The following LCN10 variants were observed in gnomAD, a reference collection of about 807,000 sequenced individuals.
LCN10 encodes lipocalin 10.
LCN10 carries 18 observed loss-of-function variants against 25.1 expected under a neutral mutation model. The observed-to-expected ratio is 0.72, with a 90% CI of 0.50 to 1.06. The LOEUF (loss-of-function observed/expected upper bound fraction) is 1.06, where lower values mean the gene tolerates loss of function less well. Among genes scored for constraint, LCN10 ranks in the 50% least tolerant of loss-of-function variants. The pLI is 0.00. For synonymous variants in LCN10, 130 were observed against 116.7 expected, an observed-to-expected ratio of 1.11 and a Z score of -0.73; for missense variants, 257 against 258.9, an observed-to-expected ratio of 0.99 and a Z score of 0.05.
rs753212037 is a variant in LCN10 at position 136,739,548 on chromosome 9, G to A, written c.580C>T (p.Arg194Cys). 16 of 1,600,014 alleles carry A rather than the reference G, an allele frequency of 1.0e-5. No individual in the cohort carries two copies. The highest frequency in any genetic ancestry group is 8.0e-5 in the African/African-American group (6 of 74,808). The change falls in exon 6 of 6, where the codon CGT (arginine) becomes TGT (cysteine). Residue 194 changes from arginine (R) to cysteine (C), a missense_variant. By Grantham distance (180) the Arg-to-Cys change is radical. Coordinates refer to ENST00000497771, the MANE Select transcript of LCN10 (RefSeq NM_001001712.3). The surrounding 1 kb of genome is among the most constrained non-coding windows in gnomAD (Gnocchi z 6.1). ...TCTCATGGCAGGATGGTGTGTGTAC[G>A]GGACGCTGTGGGAGAGGAAAACAGC... ...AAVILPKDASRTHTILP is the reference protein window; with the variant it reads ...AAVILPKDASCTHTILP
At position 136,741,290 on chromosome 9, in the gene LCN10, C is replaced by T; in HGVS notation, c.329G>A (p.Cys110Tyr). The stretch of plus-strand genomic sequence containing the variant: ...TTCCCTCGGGCCCGCCGCGTATGCA[C>T]AGGCGTTCCCAAACACCGGCTTCTT... ...DGKKPVFGNA[C>Y]AYAAGPREGQ... The change falls in exon 3 of 6, where the codon TGT (cysteine) becomes TAT (tyrosine). Residue 110 changes from cysteine (C) to tyrosine (Y), a missense_variant. Physicochemically the swap from Cys to Tyr is radical, Grantham distance 194. Coordinates refer to ENST00000497771, the MANE Select transcript of LCN10 (RefSeq NM_001001712.3). 1 of 1,613,618 alleles carries T rather than the reference C, an allele frequency of 6.2e-7. No homozygotes were observed. Among genetic ancestry groups the T allele is most frequent in the Non-Finnish European group, 8.5e-7 (1 of 1,179,818 alleles).
In LCN10 at chr9:136,741,234, C is replaced by T. The variant is rs763282573; in HGVS notation, c.367+18G>A. 4.4e-6 allele frequency: 7 copies of T among 1,608,402 alleles called. No individual in the cohort carries two copies. In the Admixed American group the frequency reaches 1.0e-4, roughly 23 times the overall value. ...GGCATATCACGCAGCTCCTCCAGGGCCCAGAGCCCAAGCACACCTCCCTCC... is the reference window on the plus strand; with the variant it reads ...GGCATATCACGCAGCTCCTCCAGGGTCCAGAGCCCAAGCACACCTCCCTCC... On this transcript the variant is annotated intron_variant, in intron 3 of 5. Transcript: ENST00000497771.
At chr9:136,742,622 G>C in intron 1 of LCN10, 165 bp downstream of exon 1, 1 of 857,700 alleles carries the variant, frequency 1.2e-6, no homozygotes, top group Non-Finnish European at 1.7e-6. Context: ...TGCAACTTGC[G>C]GGGCCCCTGT....
Position 136,740,556 on chromosome 9 carries a change from C to A in LCN10, c.475+280G>T. 1 of 518,640 alleles carries A rather than the reference C, an allele frequency of 1.9e-6. No individual in the cohort carries two copies. Among genetic ancestry groups the A allele is most frequent in the Non-Finnish European group, 3.4e-6 (1 of 289,894 alleles). The allele number at this position is 518,640 out of a possible 1,614,324, so 32.1% of individuals were successfully genotyped here. ...TCCCCACTGTGTCCCTCACCCAGAA[C>A]GTTGCACCTGCACCCGCCACCATCC... On this transcript the variant is annotated intron_variant, in intron 4 of 5. Transcript: ENST00000497771. This position sits in a 1 kb window ranked among gnomAD's most constrained non-coding sequence, Gnocchi z 5.3.
intron 2 of LCN10, 150 bp from the exon 3 acceptor site, chr9:136,741,511 A>T (rs1019005295): frequency 1.9e-5 from 12 of 633,400 alleles, no homozygotes; most frequent in Non-Finnish European, 2.8e-5. Context: ...TTTTTGCTTC[A>T]CTATCCAACT....
At chr9:136,741,101 G>A (rs1846922982) in intron 3 of LCN10, 151 bp downstream of exon 3, 7 of 986,980 alleles carry the variant, frequency 7.1e-6, no homozygotes, top group Non-Finnish European at 1.1e-5. Flanking sequence ...TCCCGGGCCA[G>A]GCCGCCCAGC....
Position 136,741,378 on chromosome 9 carries a change from G to C in LCN10, c.258-17C>G, listed in dbSNP as rs1167983906. 3 of 1,586,218 alleles carry C rather than the reference G, an allele frequency of 1.9e-6. No individual in the cohort carries two copies. In the Admixed American group the frequency reaches 5.0e-5, roughly 27 times the overall value. On this transcript the variant is annotated splice_polypyrimidine_tract_variant and intron_variant, in intron 2 of 5. Coordinates refer to ENST00000497771, the MANE Select transcript of LCN10 (RefSeq NM_001001712.3). ...CCCTTCAACCTGGGGCCAAGGCGGG[G>C]GCTCAGGCTGCAGACCAGGGAACCC...
In LCN10 at chr9:136,740,584, G is replaced by A. The variant is rs1241141051; in HGVS notation, c.475+252C>T. 5.6e-6 allele frequency: 3 copies of A among 531,120 alleles called. No homozygotes were observed. The African/African-American group carries it at 5.7e-5, about 10-fold the overall frequency. The allele number at this position is 531,120 out of a possible 1,614,324, so 32.9% of individuals were successfully genotyped here. A position where few individuals can be genotyped will look rare whatever the true frequency, so the allele number is the denominator to read the frequency against. ...TGCACCTGCACCCGCCACCATCCTG[G>A]TGGCCTCCGCTCCCCCTGGATGGCC... On this transcript the variant is annotated intron_variant, in intron 4 of 5. Coordinates refer to ENST00000497771, the MANE Select transcript of LCN10 (RefSeq NM_001001712.3). This position sits in a 1 kb window ranked among gnomAD's most constrained non-coding sequence, Gnocchi z 5.3.
chr9:136,739,821 G>A lies in LCN10; in HGVS notation c.574+129C>T, dbSNP rs551857754. On this transcript the variant is annotated intron_variant, in intron 5 of 5. Transcript: ENST00000497771. This position sits in a 1 kb window ranked among gnomAD's most constrained non-coding sequence, Gnocchi z 6.1. ...AGGGGCGGCAGGAGGTGGGAGGCAC[G>A]TTTGGGCGGATCTTTCAAATGGCAC... 3.0e-5 allele frequency: 27 copies of A among 909,882 alleles called. 1 individual carries two copies. The East Asian group carries it at 4.8e-4, about 16-fold the overall frequency. The allele number at this position is 909,882 out of a possible 1,614,324, so 56.4% of individuals were successfully genotyped here. A position where few individuals can be genotyped will look rare whatever the true frequency, so the allele number is the denominator to read the frequency against.
rs1240378055 is a variant in LCN10, at chr9:136,739,233, T to G, written c.*292A>C. ...CGGCGAGGACTGCGTTGGGCCGGCC[T>G]GTGGTCTGTTTCACAGCAGACAGGG... is the stretch of plus-strand genomic sequence containing the variant. On this transcript the variant is annotated 3_prime_UTR_variant, in exon 6 of 6. Coordinates refer to ENST00000497771, the MANE Select transcript of LCN10 (RefSeq NM_001001712.3). This position sits in a 1 kb window ranked among gnomAD's most constrained non-coding sequence, Gnocchi z 6.1. 1 of 430,438 alleles carries G rather than the reference T, an allele frequency of 2.3e-6. No individual in the cohort carries two copies. Among genetic ancestry groups the G allele is most frequent in the Non-Finnish European group, 4.3e-6 (1 of 233,066 alleles). The allele number at this position is 430,438 out of a possible 1,614,324, so 26.7% of individuals were successfully genotyped here. A position where few individuals can be genotyped will look rare whatever the true frequency, so the allele number is the denominator to read the frequency against.
rs1846882586 is a variant in LCN10, at chr9:136,739,255, A to G, written c.*270T>C. 4 of 478,860 alleles carry G rather than the reference A, an allele frequency of 8.4e-6. No homozygotes were observed. In the Admixed American group the frequency reaches 1.4e-4, roughly 16 times the overall value. The allele number at this position is 478,860 out of a possible 1,614,324, so 29.7% of individuals were successfully genotyped here. On this transcript the variant is annotated 3_prime_UTR_variant, in exon 6 of 6. Transcript: ENST00000497771. This position sits in a 1 kb window ranked among gnomAD's most constrained non-coding sequence, Gnocchi z 6.1. ...GCCTGTGGTCTGTTTCACAGCAGACAGGGAATAGCAGCAGCCTGCAGTGTG... is the reference window on the plus strand; with the variant it reads ...GCCTGTGGTCTGTTTCACAGCAGACGGGGAATAGCAGCAGCCTGCAGTGTG...
At chr9:136,742,438 C>T (rs956548879) in intron 1 of LCN10, 25 of 423,632 alleles carry the variant, frequency 5.9e-5, no homozygotes, top group Non-Finnish European at 9.4e-5. Flanking sequence ...CCACGGCTCA[C>T]TCAGCAGGTG....
rs1295566491 is a variant in LCN10 at position 136,740,974 on chromosome 9, T to C, written c.368-31A>G. 1 of 1,573,748 alleles carries C rather than the reference T, an allele frequency of 6.4e-7. No individual in the cohort carries two copies. The highest frequency in any genetic ancestry group is 1.7e-5 in the Admixed American group (1 of 59,412). On this transcript the variant is annotated intron_variant, in intron 3 of 5. Coordinates refer to ENST00000497771, the MANE Select transcript of LCN10 (RefSeq NM_001001712.3). This position sits in a 1 kb window ranked among gnomAD's most constrained non-coding sequence, Gnocchi z 5.3. ...AGAGATGCCCAGAGATGCCCGCTGG[T>C]TCCCGGATGGCGTGGCTGTGCCCGC...
At chr9:136,742,110 A>G in intron 1 of LCN10, 90 bp from the exon 2 acceptor site, 2 of 1,515,012 alleles carry the variant, frequency 1.3e-6, no homozygotes, top group Non-Finnish European at 8.9e-7. Context: ...CCAGGAGACA[A>G]ATGACCCTTC....
At position 136,740,234 on chromosome 9, in the gene LCN10, G is replaced by A. The variant is rs1846904075; in HGVS notation, c.476-186C>T. 3 of 610,522 alleles carry A rather than the reference G, an allele frequency of 4.9e-6. No homozygotes were observed. The highest frequency in any genetic ancestry group is 1.8e-5 in the African/African-American group (1 of 54,572). The allele number at this position is 610,522 out of a possible 1,614,324, so 37.8% of individuals were successfully genotyped here. ...CCCACTTACGAGGCAGCCAGGCTCG[G>A]GAAGCCAGGGTCACCACGCTGTCAC... On this transcript the variant is annotated intron_variant, in intron 4 of 5. Transcript: ENST00000497771. This position sits in a 1 kb window ranked among gnomAD's most constrained non-coding sequence, Gnocchi z 5.3.
chr9:136,741,194 C>A, intron 3 of LCN10, 58 bp downstream of exon 3: 1 of 1,465,204 alleles, frequency 6.8e-7, no homozygotes, highest in Non-Finnish European at 9.5e-7. Context: ...CTGCTCAAGG[C>A]ACAGGGGGGT....
intron 3 of LCN10, 109 bp downstream of exon 3, chr9:136,741,143 G>A (rs1846923796): frequency 2.7e-6 from 3 of 1,109,022 alleles, no homozygotes; most frequent in Admixed American, 2.1e-5. Context: ...AACACAGCCA[G>A]CCTGACGCCT....
Position 136,739,734 on chromosome 9 carries a change from G to A in LCN10, c.575-181C>T. On this transcript the variant is annotated intron_variant, in intron 5 of 5. Coordinates refer to ENST00000497771, the MANE Select transcript of LCN10 (RefSeq NM_001001712.3). The surrounding 1 kb of genome is among the most constrained non-coding windows in gnomAD (Gnocchi z 6.1). ...CCACGGCATCGCCTGGTCGGATGCA[G>A]CATCTGCTCCGGACGCCTCTCGCTG... 1.4e-6 allele frequency: 1 copy of A among 737,454 alleles called. No individual in the cohort carries two copies. The highest frequency in any genetic ancestry group is 2.3e-6 in the Non-Finnish European group (1 of 426,248). The allele number at this position is 737,454 out of a possible 1,614,324, so 45.7% of individuals were successfully genotyped here.
In LCN10 at chr9:136,741,977, T is replaced by A. The variant is rs1470939950; in HGVS notation, c.161A>T (p.Gln54Leu). The A allele has an allele frequency of 5.0e-6, 8 of 1,612,844 alleles. No homozygotes were observed. The highest frequency in any genetic ancestry group is 1.3e-5 in the African/African-American group (1 of 75,048). Residue 54 changes from glutamine to leucine, a missense_variant, in exon 2 of 6, where the codon CAG (glutamine) becomes CTG (leucine). Transcript: ENST00000497771. ...CTTGTCCCTGGCCGGCAAGAATCCCTGGGCATCAGTGGCAGTGGCCAGAAT... is the reference window on the plus strand; with the variant it reads ...CTTGTCCCTGGCCGGCAAGAATCCCAGGGCATCAGTGGCAGTGGCCAGAAT... ...WYILATATDA[Q>L]GFLPARDKRK...
Sources: gnomAD v4.1 joint callset for allele counts on GRCh38, gnomAD v4.1.1 for gene constraint, Gnocchi (gnomAD v3.1) non-coding constraint, MANE v1.5 for transcripts, NCBI Gene and HGNC (gene_info 2026-07-23, HGNC 2026-07-21) for gene names.